SLC36A4: variants seen among roughly 807,000 people sequenced by gnomAD.
The protein encoded by SLC36A4 is neutral amino acid uniporter 4.
SLC36A4 carries 49 observed loss-of-function variants against 50.5 expected under a neutral mutation model. The observed-to-expected ratio is 0.97, with a 90% confidence interval of 0.77 to 1.23. SLC36A4 has a LOEUF of 1.23. Ranked by LOEUF, SLC36A4 falls within the 50% of genes most tolerant of loss-of-function variation. The pLI is 0.00. For missense variants in SLC36A4, 611 were observed against 608.4 expected (o/e 1.00, Z -0.05); for synonymous variants, 207 against 206.5 (o/e 1.00, Z -0.02).
chr11:93,184,503 A>G lies in SLC36A4; in HGVS notation c.197T>C (p.Met66Thr), dbSNP rs773698167. The part of the protein sequence containing the change: ...QEGISFVQTL[M>T]HLLKGNIGTG... ...TCCAATATTTCCTTTAAGAAGGTGC[A>G]TAAGAGTTTGTACAAATCTGAAAAG... The change falls in exon 3 of 11, where the codon ATG becomes ACG. Residue 66 changes from methionine (M) to threonine (T), a missense_variant. Transcript: ENST00000326402. 6.2e-7 allele frequency: 1 copy of G among 1,606,344 alleles called. No individual in the cohort carries two copies. The highest frequency in any genetic ancestry group is 8.5e-7 in the Non-Finnish European group (1 of 1,173,916).
chr11:93,184,231 T>C (rs1466425970), intron 3 of SLC36A4, among the ~76,000 whole-genome samples, 199 bp downstream of exon 3: 2 of 152,094 alleles, frequency 1.3e-5, no homozygotes, highest in Non-Finnish European at 2.9e-5. Context: ...AAATAAGTAA[T>C]GAAGTAGAAA....
At chr11:93,166,489 C>T in intron 7 of SLC36A4, 1 of 833,052 alleles carries the variant, frequency 1.2e-6, no homozygotes, top group Non-Finnish European at 1.4e-6. Context: ...TATAGCTCTG[C>T]TGCTGCCCAA....
chr11:93,151,779 A>G (rs1860097823), intron 10 of SLC36A4, among the ~76,000 whole-genome samples: 1 of 152,090 alleles, frequency 6.6e-6, no homozygotes, highest in Non-Finnish European at 1.5e-5. Flanking sequence ...AGTAAATAGT[A>G]CTTAGTATAT....
In SLC36A4 at chr11:93,148,547, C is replaced by T. The variant is rs759977386; in HGVS notation, c.1505G>A (p.Gly502Asp). ...LNLNSTCLTS[G>D]LK ...ATGATTCTGCTTTTACTATTTCAAA[C>T]CAGATGTTAAGCATGTTGAATTCAA... Residue 502 changes from glycine (G) to aspartate (D), a missense_variant, in exon 11 of 11, where the codon GGT becomes GAT. By Grantham distance (94) the Gly-to-Asp change is moderately conservative. Transcript: ENST00000326402. 2 of 1,606,776 alleles carry T rather than the reference C, an allele frequency of 1.2e-6. No homozygotes were observed. The highest frequency in any genetic ancestry group is 8.5e-7 in the Non-Finnish European group (1 of 1,177,918).
intron 9 of SLC36A4, 157 bp from the exon 10 acceptor site, chr11:93,154,434 C>T (rs1590931485): frequency 2.7e-6 from 1 of 371,528 alleles, no homozygotes. Context: ...GCAAATTGAT[C>T]TCTAACTAAA....
At chr11:93,154,087 T>C (rs1317352168) in intron 10 of SLC36A4, 21 bp downstream of exon 10, 2 of 1,186,974 alleles carry the variant, frequency 1.7e-6, no homozygotes, top group South Asian at 1.9e-5. Context: ...TATTATGATA[T>C]AAATATATAA....
At chr11:93,158,102 A>G (rs1016319722) in intron 9 of SLC36A4, among the ~76,000 whole-genome samples, 3 of 152,228 alleles carry the variant, frequency 2.0e-5, no homozygotes, top group Non-Finnish European at 4.4e-5. Context: ...AGCTAACAAC[A>G]TTTAAAACTT....
At chr11:93,180,731 G>T (rs1260222144) in intron 6 of SLC36A4, 66 bp downstream of exon 6, 9 of 1,043,540 alleles carry the variant, frequency 8.6e-6, no homozygotes, top group African/African-American at 1.6e-5. Flanking sequence ...TTCCACAGAA[G>T]ATATATGAAG....
chr11:93,163,775 CATGTATGT>C (rs71305387), intron 8 of SLC36A4, among the ~76,000 whole-genome samples: 79 of 150,484 alleles, frequency 5.2e-4, no homozygotes, highest in Non-Finnish European at 8.7e-4. Context: ...CTAGGATTCT[CATGTATGT>C]ATGTATGTAT....
chr11:93,193,859 T>C (rs1862313417), intron 1 of SLC36A4, among the ~76,000 whole-genome samples: 1 of 152,172 alleles, frequency 6.6e-6, no homozygotes, highest in African/African-American at 2.4e-5. Context: ...GGCAAGCTAG[T>C]GTATGCAGAA....
At chr11:93,148,927 G>T in intron 10 of SLC36A4, 83 bp from the exon 11 acceptor site, 1 of 1,199,944 alleles carries the variant, frequency 8.3e-7, no homozygotes, top group Non-Finnish European at 1.2e-6. Context: ...TTTCAATACT[G>T]AAAGTAATTA....
intron 6 of SLC36A4, among the ~76,000 whole-genome samples, chr11:93,178,086 A>G (rs1171228683): frequency 1.3e-5 from 2 of 152,122 alleles, no homozygotes; most frequent in Non-Finnish European, 2.9e-5. Context: ...ACGCCCCTCC[A>G]CCAGCCTCGC....
In SLC36A4 at chr11:93,184,501, G is replaced by T. The variant is rs1861888464; in HGVS notation, c.199C>A (p.His67Asn). 1.2e-6 allele frequency: 2 copies of T among 1,606,214 alleles called. No homozygotes were observed. Among genetic ancestry groups the T allele is most frequent in the South Asian group, 1.1e-5 (1 of 90,588 alleles). ...EGISFVQTLMHLLKGNIGTGL... is the reference protein window; with the variant it reads ...EGISFVQTLMNLLKGNIGTGL... ...GTTCCAATATTTCCTTTAAGAAGGTGCATAAGAGTTTGTACAAATCTGAAA... is the reference window on the plus strand; with the variant it reads ...GTTCCAATATTTCCTTTAAGAAGGTTCATAAGAGTTTGTACAAATCTGAAA... The change falls in exon 3 of 11, where the codon CAC becomes AAC. Residue 67 changes from histidine (H) to asparagine (N), a missense_variant. Coordinates refer to ENST00000326402, the MANE Select transcript of SLC36A4 (RefSeq NM_152313.4).
intron 3 of SLC36A4, among the ~76,000 whole-genome samples, chr11:93,183,708 T>A (rs71480667): frequency 0.042 from 6,397 of 151,956 alleles, 198 homozygotes; most frequent in Non-Finnish European, 0.063. Context: ...TTATTTATTT[T>A]TTTTTTTGAG....
chr11:93,175,559 T>A (rs1861421625), intron 6 of SLC36A4, among the ~76,000 whole-genome samples: 1 of 134,870 alleles, frequency 7.4e-6, no homozygotes, highest in Admixed American at 7.7e-5. Flanking sequence ...ATTTTGGATC[T>A]TTCCTGCTTT....
rs1862480934 is a variant in SLC36A4 at position 93,197,551 on chromosome 11, A to C, written c.55+227T>G. 5.3e-5 allele frequency: 29 copies of C among 545,956 alleles called. No individual in the cohort carries two copies. In the South Asian group the frequency reaches 6.4e-4, roughly 12 times the overall value. 33.8% of individuals were successfully genotyped at this position (545,956 alleles called of 1,614,324 possible). A position where few individuals can be genotyped will look rare whatever the true frequency, so the allele number is the denominator to read the frequency against. On this transcript the variant is annotated intron_variant, in intron 1 of 10. Transcript: ENST00000326402. ...ACACTCACCCACACGCGCGCGCGCA[A>C]ACACACACACACATATTTTAACGCC...
chr11:93,178,844 A>T (rs1041626846), intron 6 of SLC36A4, among the ~76,000 whole-genome samples: 4 of 152,214 alleles, frequency 2.6e-5, no homozygotes, highest in Non-Finnish European at 5.9e-5. Context: ...AGTCCTAGCC[A>T]GAGCAATCAG....
chr11:93,153,915 G>GT (rs1860223757), intron 10 of SLC36A4, 193 bp downstream of exon 10: 3 of 307,908 alleles, frequency 9.7e-6, no homozygotes, highest in Admixed American at 4.9e-5. Flanking sequence ...TCTGGTTTGT[G>GT]TTTTTCTTAT....
At chr11:93,183,537 A>C (rs913813975) in intron 3 of SLC36A4, among the ~76,000 whole-genome samples, 2 of 152,132 alleles carry the variant, frequency 1.3e-5, no homozygotes, top group African/African-American at 4.8e-5. Flanking sequence ...GTTTTTAGAA[A>C]GTGGTCTATT....
Sources: gnomAD v4.1 joint callset for allele counts (sites outside exome capture counted in the v4.1 genomes callset) on GRCh38, gnomAD v4.1.1 for gene constraint, MANE v1.5 for transcripts, NCBI Gene and HGNC (gene_info 2026-07-23, HGNC 2026-07-21) for gene names.